FAM47E: variants seen among roughly 807,000 people sequenced by gnomAD.
FAM47E encodes family with sequence similarity 47 member E.
FAM47E carries 32 observed loss-of-function variants against 41.6 expected under a neutral mutation model. The observed-to-expected ratio is 0.77, with a 90% confidence interval of 0.58 to 1.03. The LOEUF is 1.03. Among genes scored for constraint, FAM47E ranks in the 50% least tolerant of loss-of-function variants. The pLI, the probability that FAM47E is intolerant of heterozygous loss-of-function variation, is 0.00. For synonymous variants in FAM47E, 184 were observed against 188.7 expected (o/e 0.98, Z 0.20); for missense variants, 424 against 485.4 (o/e 0.87, Z 1.19).
chr4:76,251,517 G>C (rs1291074771), upstream of FAM47E, among the ~76,000 whole-genome samples: 1 of 152,176 alleles, frequency 6.6e-6, no homozygotes, highest in African/African-American at 2.4e-5. Context: ...CGCCTTCCCA[G>C]CAGAGTAAAA....
chr4:76,265,546 C>T (rs996615572), intron 3 of FAM47E, among the ~76,000 whole-genome samples: 4 of 152,058 alleles, frequency 2.6e-5, no homozygotes, highest in Non-Finnish European at 5.9e-5. Flanking sequence ...GTCTTTGTCC[C>T]CAGTTACTGA....
intron 3 of FAM47E, among the ~76,000 whole-genome samples, chr4:76,264,090 T>C (rs2110013131): frequency 6.6e-6 from 1 of 152,304 alleles, no homozygotes; most frequent in South Asian, 2.1e-4. Flanking sequence ...AGTCCCTCCC[T>C]ATGCTTGAGG....
chr4:76,229,597 GATT>G (rs1207520136), intron 2 of FAM47E, among the ~76,000 whole-genome samples: 1 of 152,174 alleles, frequency 6.6e-6, no homozygotes, highest in African/African-American at 2.4e-5. Flanking sequence ...TGAACTGAAT[GATT>G]ATTATTGCTC....
At chr4:76,242,386 A>T (rs1733730209) in intron 2 of FAM47E, among the ~76,000 whole-genome samples, 1 of 152,164 alleles carries the variant, frequency 6.6e-6, no homozygotes. Context: ...ATCTTCTACC[A>T]TGACTGTAAG....
chr4:76,266,524 C>G (rs1230188975), intron 3 of FAM47E, among the ~76,000 whole-genome samples: 1 of 152,192 alleles, frequency 6.6e-6, no homozygotes, highest in Admixed American at 6.5e-5. Context: ...TACTACCAGT[C>G]TATTCCAAGA....
chr4:76,283,394 T>C lies in FAM47E; in HGVS notation c.1118T>C (p.Met373Thr), dbSNP rs1274449018. 2 of 1,545,338 alleles carry C rather than the reference T, an allele frequency of 1.3e-6. No homozygotes were observed. Among genetic ancestry groups the C allele is most frequent in the South Asian group, 2.4e-5 (2 of 83,910 alleles). ...GYRTPRFLEN[M>T]YIGKECKRAC... is the part of the protein sequence containing the mutation. ...ATTTTTTTTTAGTTCCTTGAGAATA[T>C]GTATATCGGGAAGGAATGTAAACGT... is the stretch of plus-strand genomic sequence containing the variant. Residue 373 changes from methionine (M) to threonine (T), a missense_variant, in exon 8 of 8, where the codon ATG becomes ACG. Transcript: ENST00000424749.
At chr4:76,224,941 C>A (rs1733369456) in intron 2 of FAM47E, among the ~76,000 whole-genome samples, 1 of 151,998 alleles carries the variant, frequency 6.6e-6, no homozygotes, top group South Asian at 2.1e-4. Context: ...TCCATTATAT[C>A]ATTCTTATAG....
At chr4:76,232,467 T>C (rs1467925791) in intron 2 of FAM47E, among the ~76,000 whole-genome samples, 2 of 152,168 alleles carry the variant, frequency 1.3e-5, no homozygotes, top group Non-Finnish European at 2.9e-5. Context: ...AGCAAAAATG[T>C]CCAGGGTAGT....
intron 7 of FAM47E, chr4:76,282,234 T>C (rs1211729788): frequency 6.6e-6 from 1 of 152,034 alleles, no homozygotes; most frequent in Admixed American, 6.5e-5. Context: ...AAACAATCCA[T>C]GGAAACAGGA....
At chr4:76,219,838 A>G (rs190749777) in intron 2 of FAM47E, among the ~76,000 whole-genome samples, 10 of 152,276 alleles carry the variant, frequency 6.6e-5, no homozygotes, top group African/African-American at 2.4e-4. Flanking sequence ...TGCACTCACC[A>G]CATATCCTGA....
At chr4:76,217,606 C>A in exon 2 of FAM47E, 1 of 575,900 alleles carries the variant, frequency 1.7e-6, no homozygotes. Flanking sequence ...GGCCCTCATC[C>A]AATGCAGATG....
intron 1 of FAM47E, 118 bp from the exon 2 acceptor site, chr4:76,256,060 C>T: frequency 8.4e-7 from 1 of 1,185,132 alleles, no homozygotes; most frequent in South Asian, 1.6e-5. Context: ...CCCCTACCCC[C>T]AACCCTAAAA....
intron 2 of FAM47E, among the ~76,000 whole-genome samples, chr4:76,237,037 A>AG (rs1733599407): frequency 6.6e-6 from 1 of 151,498 alleles, no homozygotes; most frequent in South Asian, 2.1e-4. Flanking sequence ...CTGGGACTAC[A>AG]GGCGCCTGTC....
chr4:76,225,452 C>T (rs1733380623), intron 2 of FAM47E, among the ~76,000 whole-genome samples: 1 of 152,176 alleles, frequency 6.6e-6, no homozygotes, highest in Non-Finnish European at 1.5e-5. Flanking sequence ...AAATGGGCAT[C>T]CTTGTCTTGT....
chr4:76,252,647 G>A (rs908890449), intron 1 of FAM47E, among the ~76,000 whole-genome samples: 7 of 152,134 alleles, frequency 4.6e-5, no homozygotes, highest in Admixed American at 4.6e-4. Context: ...AGAACGTATC[G>A]TGTACATGTT....
intron 2 of FAM47E, among the ~76,000 whole-genome samples, chr4:76,242,043 G>A (rs1220990438): frequency 6.6e-6 from 1 of 152,034 alleles, no homozygotes; most frequent in Non-Finnish European, 1.5e-5. Flanking sequence ...GGAAGTATGT[G>A]GCTTATATGT....
intron 2 of FAM47E, among the ~76,000 whole-genome samples, chr4:76,229,999 A>G (rs954427163): frequency 2.6e-5 from 4 of 152,240 alleles, no homozygotes; most frequent in Non-Finnish European, 5.9e-5. Flanking sequence ...AGAGAGCACC[A>G]GCTACGATAG....
Position 76,263,586 on chromosome 4 carries a change from C to G in FAM47E, c.421-118C>G, listed in dbSNP as rs936758425. 26 of 1,264,730 alleles carry G rather than the reference C, an allele frequency of 2.1e-5. No individual in the cohort carries two copies. In the African/African-American group the frequency reaches 3.8e-4, roughly 18 times the overall value. The allele number at this position is 1,264,730 out of a possible 1,614,324, so 78.3% of individuals were successfully genotyped here. ...AATACTTGGCACAGAAGTTGGTGAA[C>G]AGCACTGATGGACTGAAAAGGAAAA... On this transcript the variant is annotated intron_variant, in intron 2 of 7. Coordinates refer to ENST00000424749, the MANE Select transcript of FAM47E (RefSeq NM_001136570.3).
At chr4:76,234,750 A>G (rs551376582) in intron 2 of FAM47E, among the ~76,000 whole-genome samples, 4 of 152,260 alleles carry the variant, frequency 2.6e-5, no homozygotes, top group African/African-American at 9.6e-5. Context: ...ATCTCTATGG[A>G]AGGAAAAAAA....
Sources: gnomAD v4.1 joint callset for allele counts (sites outside exome capture counted in the v4.1 genomes callset) on GRCh38, gnomAD v4.1.1 for gene constraint, MANE v1.5 for transcripts, NCBI Gene and HGNC (gene_info 2026-07-23, HGNC 2026-07-21) for gene names.